The following RAD51B variants were observed in gnomAD, a reference collection of about 807,000 sequenced individuals.
The protein encoded by RAD51B is RAD51 paralog B, also known as DNA repair protein RAD51 homolog 2.
A neutral mutation model predicts 42.2 loss-of-function variants in RAD51B; 38 were observed. The observed-to-expected ratio is 0.90, with a 90% CI of 0.70 to 1.18. The LOEUF is 1.18. Ranked by LOEUF, RAD51B falls within the 50% of genes most tolerant of loss-of-function variation. The pLI, the probability that RAD51B is intolerant of heterozygous loss-of-function variation, is 0.00. For synonymous variants in RAD51B, 154 were observed against 145.2 expected, an observed-to-expected ratio of 1.06 and a Z score of -0.43; for missense variants, 373 against 400.7, an observed-to-expected ratio of 0.93 and a Z score of 0.59.
chr14:68,603,662 G>C (rs1008330092), intron 10 of RAD51B, among the ~76,000 whole-genome samples: 1 of 152,168 alleles, frequency 6.6e-6, no homozygotes, highest in African/African-American at 2.4e-5. Flanking sequence ...TGGTTGTTCT[G>C]TTTTAATTCT....
Position 68,657,217 on chromosome 14 carries a change from C to T in RAD51B, c.*11+6361C>T, listed in dbSNP as rs371495455. ...TCCATATTGGACATTGTAGGTCTCG[C>T]GGTGGGGGGAATGCTGAGGCTTTGG... On this transcript the variant is annotated intron_variant, in intron 11 of 11. Transcript: ENST00000488612. 3.1e-4 allele frequency among the ~76,000 whole-genome samples: 47 copies of T among 150,106 alleles called. 1 individual carries two copies. Among genetic ancestry groups the T allele is most frequent in the South Asian group, 4.2e-4 (2 of 4,718 alleles).
intron 9 of RAD51B, among the ~76,000 whole-genome samples, chr14:68,425,478 G>A (rs191596440): frequency 5.3e-5 from 8 of 152,326 alleles, no homozygotes; most frequent in Non-Finnish European, 8.8e-5. Context: ...TTCTTTATAA[G>A]AAGACAAGTT....
intron 9 of RAD51B, among the ~76,000 whole-genome samples, chr14:68,462,888 A>C (rs992812010): frequency 6.6e-6 from 1 of 152,230 alleles, no homozygotes; most frequent in South Asian, 2.1e-4. Context: ...TTTCTGAGCC[A>C]CATATATCTA....
At chr14:68,319,296 A>G (rs2082116806) in intron 8 of RAD51B, among the ~76,000 whole-genome samples, 1 of 152,236 alleles carries the variant, frequency 6.6e-6, no homozygotes, top group South Asian at 2.1e-4. Context: ...GAGTACATCT[A>G]AAATATTGTA....
chr14:67,843,221 A>G (rs954757087), intron 4 of RAD51B, among the ~76,000 whole-genome samples: 6 of 146,056 alleles, frequency 4.1e-5, no homozygotes, highest in Non-Finnish European at 7.5e-5. Context: ...TTACATATGT[A>G]TACATGTGCC....
In RAD51B at chr14:68,673,528, A is replaced by G. The variant is rs144818404; in HGVS notation, c.*11+22672A>G. Among the ~76,000 whole-genome samples the G allele has an allele frequency of 3.0e-4, 45 of 150,660 alleles. No homozygotes were observed. In the East Asian group the frequency reaches 3.5e-3, roughly 12 times the overall value. On this transcript the variant is annotated intron_variant, in intron 11 of 11. Transcript: ENST00000488612. ...TGTATGTACACACATATGTACGCGC[A>G]CACACATACACATACATATGTACAC...
At chr14:68,189,034 G>A (rs1041008053) in intron 7 of RAD51B, among the ~76,000 whole-genome samples, 4 of 151,904 alleles carry the variant, frequency 2.6e-5, no homozygotes, top group South Asian at 2.1e-4. Context: ...TGGTTCTGCT[G>A]CTATAGTTTA....
intron 8 of RAD51B, among the ~76,000 whole-genome samples, chr14:68,397,673 CGT>C (rs368101566): frequency 1.3e-5 from 2 of 151,798 alleles, no homozygotes; most frequent in African/African-American, 4.8e-5. Context: ...GGACACCCCT[CGT>C]GTGTGTGTGT....
intron 4 of RAD51B, among the ~76,000 whole-genome samples, chr14:67,838,707 A>G (rs1211856361): frequency 6.6e-6 from 1 of 151,910 alleles, no homozygotes; most frequent in Non-Finnish European, 1.5e-5. Context: ...TGGCCTCCCA[A>G]CGTGTTGGGA....
At chr14:68,070,103 T>A (rs754683796) in intron 7 of RAD51B, among the ~76,000 whole-genome samples, 2 of 152,156 alleles carry the variant, frequency 1.3e-5, no homozygotes, top group Admixed American at 6.5e-5. Flanking sequence ...TGTCTGTTCA[T>A]GTACTTTGCC....
chr14:68,628,845 C>T (rs963581879), intron 10 of RAD51B, among the ~76,000 whole-genome samples: 2 of 152,128 alleles, frequency 1.3e-5, no homozygotes, highest in Non-Finnish European at 2.9e-5. Context: ...CCCCCAGCCT[C>T]CCCCGACCGC....
chr14:67,865,193 C>A, intron 5 of RAD51B, 54 bp downstream of exon 5: 1 of 1,436,312 alleles, frequency 7.0e-7, no homozygotes, highest in Non-Finnish European at 9.3e-7. Context: ...TTATATACAG[C>A]ATGAAACATT....
chr14:68,206,572 G>T (rs2079590129), intron 7 of RAD51B, among the ~76,000 whole-genome samples: 1 of 151,976 alleles, frequency 6.6e-6, no homozygotes, highest in Non-Finnish European at 1.5e-5. Flanking sequence ...ACTGGTCATG[G>T]AATCCACTGT....
chr14:68,410,956 A>T (rs1009778949), intron 8 of RAD51B, among the ~76,000 whole-genome samples: 6 of 151,858 alleles, frequency 4.0e-5, no homozygotes, highest in Non-Finnish European at 7.4e-5. Context: ...GGGTGGGAGG[A>T]CCAGGGAATT....
intron 7 of RAD51B, among the ~76,000 whole-genome samples, chr14:68,056,401 G>A (rs1357306315): frequency 2.0e-5 from 3 of 151,824 alleles, no homozygotes; most frequent in Non-Finnish European, 2.9e-5. Context: ...CACCCGCCTC[G>A]GCCTCCCAAA....
intron 7 of RAD51B, among the ~76,000 whole-genome samples, chr14:68,217,483 A>G (rs17105187): frequency 1.1e-4 from 16 of 152,278 alleles, no homozygotes; most frequent in Non-Finnish European, 1.9e-4. Flanking sequence ...ATGCGGGTGC[A>G]TGGTCCAGGG....
At chr14:67,985,996 C>A (rs2075183863) in intron 7 of RAD51B, among the ~76,000 whole-genome samples, 1 of 149,532 alleles carries the variant, frequency 6.7e-6, no homozygotes, top group African/African-American at 2.5e-5. Flanking sequence ...ATAAGTGTTT[C>A]CACTGTACCT....
chr14:68,407,467 T>C (rs1594794122), intron 8 of RAD51B, among the ~76,000 whole-genome samples: 1 of 152,370 alleles, frequency 6.6e-6, no homozygotes, highest in East Asian at 1.9e-4. Context: ...CATTGTGCTA[T>C]GATGTTACCA....
At chr14:68,123,729 A>T (rs954615372) in intron 7 of RAD51B, among the ~76,000 whole-genome samples, 1 of 152,060 alleles carries the variant, frequency 6.6e-6, no homozygotes, top group Non-Finnish European at 1.5e-5. Context: ...AATTGCTTCA[A>T]CCCGGGAGGT....
Sources: gnomAD v4.1 joint callset for allele counts (sites outside exome capture counted in the v4.1 genomes callset) on GRCh38, gnomAD v4.1.1 for gene constraint, MANE v1.5 for transcripts, NCBI Gene and HGNC (gene_info 2026-07-23, HGNC 2026-07-21) for gene names.